ADAMTS7: variants seen among roughly 807,000 people sequenced by gnomAD.
The protein encoded by ADAMTS7 is ADAM metallopeptidase with thrombospondin type 1 motif 7.
ADAMTS7 carries 89 observed loss-of-function variants against 172.6 expected under a neutral mutation model. The observed-to-expected ratio is 0.52, with a 90% CI of 0.43 to 0.61. ADAMTS7 has a LOEUF of 0.61. ADAMTS7 is among the 20% of genes least tolerant of loss of function. The pLI is 0.00. For missense variants in ADAMTS7, 1,973 were observed against 2,355.6 expected (o/e 0.84, Z 3.36); for synonymous variants, 885 against 978.4 (o/e 0.90, Z 1.78).
Position 78,766,938 on chromosome 15 carries a change from C to T in ADAMTS7, c.2973G>A (p.Leu991=). 1 of 1,610,802 alleles carries T rather than the reference C, an allele frequency of 6.2e-7. No homozygotes were observed. Among genetic ancestry groups the T allele is most frequent in the African/African-American group, 1.3e-5 (1 of 74,980 alleles). Residue 991 remains leucine, a synonymous_variant, in exon 19 of 24, where the codon CTG becomes CTA. Transcript: ENST00000388820. The part of the protein sequence containing the change: ...QQPASEVTCS[L]PLCRWPLGTL... ...TGCCCAGGGGCCACCGACAGAGTGGCAGAGAGCAGGTGACTTCGCTGGCTG... is the reference window on the plus strand; with the variant it reads ...TGCCCAGGGGCCACCGACAGAGTGGTAGAGAGCAGGTGACTTCGCTGGCTG...
chr15:78,797,433 A>T (rs1376675939), intron 3 of ADAMTS7, among the ~76,000 whole-genome samples: 1 of 152,266 alleles, frequency 6.6e-6, no homozygotes, highest in Non-Finnish European at 1.5e-5. Flanking sequence ...AGCAACCCTT[A>T]GCAGGCAGCT....
intron 23 of ADAMTS7, among the ~76,000 whole-genome samples, chr15:78,759,890 A>AT (rs2055013858): frequency 6.6e-6 from 1 of 151,988 alleles, no homozygotes; most frequent in Non-Finnish European, 1.5e-5. Flanking sequence ...ACGCCTTGCC[A>AT]CCCCATCTCC....
chr15:78,806,090 A>AC (rs1426349391), intron 1 of ADAMTS7, among the ~76,000 whole-genome samples: 1,197 of 41,452 alleles, frequency 0.029, 73 homozygotes, highest in African/African-American at 0.075. Flanking sequence ...CCCCCCCCAA[A>AC]AACACACACA....
At chr15:78,791,015 G>C (rs1460405772) in intron 5 of ADAMTS7, 125 bp downstream of exon 5, 1 of 1,281,762 alleles carries the variant, frequency 7.8e-7, no homozygotes, top group Non-Finnish European at 1.1e-6. Context: ...GGTGGCAGGG[G>C]ACACGGTCCA....
At chr15:78,792,307 C>T (rs2055591325) in intron 4 of ADAMTS7, among the ~76,000 whole-genome samples, 1 of 152,230 alleles carries the variant, frequency 6.6e-6, no homozygotes, top group Non-Finnish European at 1.5e-5. Context: ...CCGACTCTGT[C>T]TCTTCTCTCC....
At chr15:78,781,561 C>T (rs1180754108) in intron 8 of ADAMTS7, among the ~76,000 whole-genome samples, 1 of 152,164 alleles carries the variant, frequency 6.6e-6, no homozygotes, top group Non-Finnish European at 1.5e-5. Flanking sequence ...TCACCCTCAC[C>T]CCAGGCCCCG....
At chr15:78,768,842 C>T (rs2055202088) in intron 16 of ADAMTS7, among the ~76,000 whole-genome samples, 1 of 145,960 alleles carries the variant, frequency 6.9e-6, no homozygotes, top group Non-Finnish European at 1.6e-5. Context: ...CTGGCCCAGG[C>T]TGGGGTGAGG....
chr15:78,788,591 C>T (rs1013285470), intron 7 of ADAMTS7, among the ~76,000 whole-genome samples: 2 of 152,260 alleles, frequency 1.3e-5, no homozygotes, highest in Non-Finnish European at 2.9e-5. Flanking sequence ...CCCAAGGGCT[C>T]CTGTTCCAGC....
In ADAMTS7 at chr15:78,801,182, T is replaced by C. The variant is rs1426446034; in HGVS notation, c.101-635A>G. 2.0e-5 allele frequency among the ~76,000 whole-genome samples: 3 copies of C among 152,316 alleles called. No individual in the cohort carries two copies. The East Asian group carries it at 5.8e-4, about 29-fold the overall frequency. ...CAGCGCGATCATCGTCTTACTCTGC[T>C]CATCGTCTTACTCTACTCATCGTCT... On this transcript the variant is annotated intron_variant, in intron 1 of 23. Transcript: ENST00000388820.
In ADAMTS7 at chr15:78,811,207, G is replaced by GGGCCGCCGGGCATGGCAGGAACCGGGC. The variant is rs2141534771; in HGVS notation, c.-14_13dup (p.Gly4_Pro5insArgProValProAlaMetProGlyGly). The GGGCCGCCGGGCATGGCAGGAACCGGGC allele has an allele frequency of 8.1e-7, 1 of 1,228,528 alleles. No individual in the cohort carries two copies. Among genetic ancestry groups the GGGCCGCCGGGCATGGCAGGAACCGGGC allele is most frequent in the African/African-American group, 1.6e-5 (1 of 64,320 alleles). 76.1% of individuals were successfully genotyped at this position (1,228,528 alleles called of 1,614,324 possible). ...CAAAGGCGCGGGGCTGCGGGGACTG[G>GGGCCGCCGGGCATGGCAGGAACCGGGC]GGCCGCCGGGCATGGCAGGAACCGG... On this transcript the variant is annotated inframe_insertion, in exon 1 of 24. Transcript: ENST00000388820.
At chr15:78,791,738 G>A (rs940604805) in intron 4 of ADAMTS7, among the ~76,000 whole-genome samples, 2 of 152,198 alleles carry the variant, frequency 1.3e-5, no homozygotes, top group Non-Finnish European at 2.9e-5. Context: ...GTAGAGTGAG[G>A]GTAGGCACAG....
At chr15:78,806,611 C>T (rs933780004) in intron 1 of ADAMTS7, among the ~76,000 whole-genome samples, 2 of 151,994 alleles carry the variant, frequency 1.3e-5, no homozygotes, top group African/African-American at 2.4e-5. Context: ...GGCCAGAAAA[C>T]GTAAGGAAGG....
chr15:78,759,410 T>TC lies in ADAMTS7; in HGVS notation c.*10dup, dbSNP rs563963760. 235 of 1,589,146 alleles carry TC rather than the reference T, an allele frequency of 1.5e-4. No homozygotes were observed. The East Asian group carries it at 4.2e-3, about 28-fold the overall frequency. ...TGAGGTCTGTCGGTCGGTCTGTGCA[T>TC]CCTGGCGCAGTCAGCGGCGGGCAAC... is the stretch of plus-strand genomic sequence containing the variant. On this transcript the variant is annotated 3_prime_UTR_variant, in exon 24 of 24. Coordinates refer to ENST00000388820, the MANE Select transcript of ADAMTS7 (RefSeq NM_014272.5).
chr15:78,801,982 C>T (rs1178693427), intron 1 of ADAMTS7, among the ~76,000 whole-genome samples: 1 of 152,062 alleles, frequency 6.6e-6, no homozygotes, highest in African/African-American at 2.4e-5. Flanking sequence ...CGTGAGGCAC[C>T]AAGGCTGGCC....
rs534111913 is a variant in ADAMTS7 at position 78,766,397 on chromosome 15, G to A, written c.3514C>T (p.Pro1172Ser). The change falls in exon 19 of 24, where the codon CCC (proline) becomes TCC (serine). Residue 1172 changes from proline (P) to serine (S), a missense_variant. Coordinates refer to ENST00000388820, the MANE Select transcript of ADAMTS7 (RefSeq NM_014272.5). The stretch of plus-strand genomic sequence containing the variant: ...GAAACCCTGGGCCAGGACAGGCTGG[G>A]GAGCCCAAGATCTGGGGCCCCTATG... ...TPIGAPDLGL[P>S]SLSWPRVSTD... is the part of the protein sequence containing the mutation. 1,114 of 1,606,978 alleles carry A rather than the reference G, an allele frequency of 6.9e-4. 9 individuals carry two copies. The South Asian group carries it at 8.1e-3, about 12-fold the overall frequency.
chr15:78,800,421 C>G lies in ADAMTS7; in HGVS notation c.227G>C (p.Arg76Pro), dbSNP rs375704895. The G allele has an allele frequency of 4.9e-5, 79 of 1,609,712 alleles. No individual in the cohort carries two copies. In the Middle Eastern group the frequency reaches 5.0e-4, roughly 10 times the overall value. Residue 76 changes from arginine (R) to proline (P), a missense_variant, in exon 2 of 24, where the codon CGA becomes CCA. This residue lies in a region of ADAMTS7 where 306 missense variants were observed against 288.0 expected (regional missense o/e 1.06). Coordinates refer to ENST00000388820, the MANE Select transcript of ADAMTS7 (RefSeq NM_014272.5). ...ALRKRDVSVR[R>P]DAPAFYELQY... is the part of the protein sequence containing the mutation. ...TAGCTCGTAGAAGGCGGGCGCGTCT[C>G]GGCGCACAGATACATCCCGCTTGCG...
rs1387736193 is a variant in ADAMTS7 at position 78,774,772 on chromosome 15, G to A, written c.1728C>T (p.Tyr576=). ...GGAAGCGCTTGCGCTCACCCACACAGTATCTGCCTTTGTATTTGGGCCTGT... is the reference window on the plus strand; with the variant it reads ...GGAAGCGCTTGCGCTCACCCACACAATATCTGCCTTTGTATTTGGGCCTGT... ...TQPTPKYKGR[Y]CVGERKRFRL... The change falls in exon 12 of 24, where the codon TAC becomes TAT. Residue 576 remains tyrosine (Y), a synonymous_variant. Coordinates refer to ENST00000388820, the MANE Select transcript of ADAMTS7 (RefSeq NM_014272.5). 3.9e-5 allele frequency: 63 copies of A among 1,606,422 alleles called. No individual in the cohort carries two copies. The highest frequency in any genetic ancestry group is 5.2e-5 in the Non-Finnish European group (61 of 1,176,152).
chr15:78,784,291 G>A (rs1363836053), intron 8 of ADAMTS7, among the ~76,000 whole-genome samples: 3 of 151,696 alleles, frequency 2.0e-5, no homozygotes, highest in Non-Finnish European at 2.9e-5. Context: ...TTTGTGCCTG[G>A]GAGCCCAAGG....
rs3784323 is a variant in ADAMTS7, at chr15:78,771,828, C to T, written c.2133G>A (p.Gly711=). ...CTGGGATCAGCCCCACATCCACATA[C>T]CCTGTCAGCCAAGGGTTGTGCATAG... The part of the protein sequence containing the change: ...SGTFEEAEGL[G]YVDVGLIPAG... Residue 711 remains glycine, a splice_region_variant and synonymous_variant, in exon 15 of 24, where the codon GGG becomes GGA. Transcript: ENST00000388820. This position sits in a 1 kb window ranked among gnomAD's most constrained non-coding sequence, Gnocchi z 4.9. The T allele has an allele frequency of 0.014, 22,279 of 1,609,844 alleles. 989 individuals carry two copies. The East Asian group carries it at 0.14, about 10-fold the overall frequency.
Sources: gnomAD v4.1 joint callset for allele counts (sites outside exome capture counted in the v4.1 genomes callset) on GRCh38, gnomAD v4.1.1 for gene constraint, gnomAD v4.1.1 regional missense constraint, Gnocchi (gnomAD v3.1) non-coding constraint, MANE v1.5 for transcripts, NCBI Gene and HGNC (gene_info 2026-07-23, HGNC 2026-07-21) for gene names.